The following KALRN variants were observed in gnomAD, a reference collection of about 807,000 sequenced individuals.
The protein encoded by KALRN is kalirin.
In KALRN, 70 loss-of-function variants were observed where a neutral mutation model predicts 353.7. That is an observed-to-expected ratio of 0.20 (90% CI 0.16 to 0.24). The LOEUF (loss-of-function observed/expected upper bound fraction) is 0.24. Ranked by LOEUF, KALRN falls within the 10% of genes least tolerant of loss-of-function variation. KALRN has a pLI of 1.00. For synonymous variants in KALRN, 1,391 were observed against 1,434.8 expected (o/e 0.97, Z 0.69); for missense variants, 2,791 against 3,756.7 (o/e 0.74, Z 6.72).
intron 13 of KALRN, among the ~76,000 whole-genome samples, chr3:124,411,800 G>C (rs575573561): frequency 2.0e-5 from 3 of 151,984 alleles, no homozygotes; most frequent in African/African-American, 7.3e-5. Flanking sequence ...CCCCTTTCTT[G>C]AGTTAGAGAA....
chr3:124,063,227 C>T (rs1454052105), intron 1 of KALRN, among the ~76,000 whole-genome samples: 1 of 152,132 alleles, frequency 6.6e-6, no homozygotes, highest in East Asian at 1.9e-4. Context: ...AGGACTTGTG[C>T]CCTTGGAATG....
At chr3:124,684,617 T>C (rs772006790) in intron 51 of KALRN, among the ~76,000 whole-genome samples, 10 of 152,202 alleles carry the variant, frequency 6.6e-5, no homozygotes, top group Non-Finnish European at 1.2e-4. Context: ...TATACAGTGA[T>C]GTGTAACCCT....
At chr3:124,204,935 G>T (rs564381064) in intron 1 of KALRN, among the ~76,000 whole-genome samples, 8 of 151,604 alleles carry the variant, frequency 5.3e-5, no homozygotes, top group Non-Finnish European at 1.2e-4. Context: ...AGGTTGAGCT[G>T]TGTTAAGGGA....
At chr3:124,116,439 G>A (rs1163531723) in intron 1 of KALRN, among the ~76,000 whole-genome samples, 1 of 152,172 alleles carries the variant, frequency 6.6e-6, no homozygotes, top group Non-Finnish European at 1.5e-5. Flanking sequence ...TTACAGATCA[G>A]GAAACTGAGG....
At chr3:124,243,737 G>C (rs927932197) in intron 3 of KALRN, among the ~76,000 whole-genome samples, 1 of 152,120 alleles carries the variant, frequency 6.6e-6, no homozygotes, top group Non-Finnish European at 1.5e-5. Context: ...AAATGCGCAT[G>C]CTTGCTAAAA....
chr3:124,649,965 AAATAATAAT>A lies in KALRN; in HGVS notation c.5665-810_5665-802del, dbSNP rs71145473. Among the ~76,000 whole-genome samples, 1,190 of 143,482 alleles carry A rather than the reference AAATAATAAT, an allele frequency of 8.3e-3. 13 individuals are homozygous for A. Among genetic ancestry groups the A allele is most frequent in the African/African-American group, 0.023 (884 of 38,950 alleles). 94.1% of individuals were successfully genotyped at this position (143,482 alleles called of 152,430 possible). ...ATAGTGAGACCCTGTCTCTAAAATA[AAATAATAAT>A]AATAATAATAATAATAATAATAATA... is the stretch of plus-strand genomic sequence containing the variant. On this transcript the variant is annotated intron_variant, in intron 37 of 59. Transcript: ENST00000682506.
In KALRN at chr3:124,345,454, C is replaced by T. The variant is rs55645720; in HGVS notation, c.1648-1689C>T. Among the ~76,000 whole-genome samples, 540 of 152,140 alleles carry T rather than the reference C, an allele frequency of 3.5e-3. 5 individuals are homozygous for T. Among genetic ancestry groups the T allele is most frequent in the African/African-American group, 0.012 (515 of 41,502 alleles). Reference sequence around the variant, plus strand: ...TTCACCGTAAGTAATTCTAGAGAAACGCAGGCTCTTCTAAGAGATGAACAT... The same window carrying T: ...TTCACCGTAAGTAATTCTAGAGAAATGCAGGCTCTTCTAAGAGATGAACAT... On this transcript the variant is annotated intron_variant, in intron 9 of 59. Coordinates refer to ENST00000682506, the MANE Select transcript of KALRN (RefSeq NM_001388419.1).
chr3:124,446,603 C>T (rs2093847343), intron 20 of KALRN, among the ~76,000 whole-genome samples, 160 bp from the exon 21 acceptor site: 1 of 152,076 alleles, frequency 6.6e-6, no homozygotes, highest in Non-Finnish European at 1.5e-5. Context: ...CAAGGGAGGG[C>T]TCATTCATAA....
chr3:124,652,732 C>T (rs149606731), intron 38 of KALRN, among the ~76,000 whole-genome samples: 1,780 of 152,262 alleles, frequency 0.012, 35 homozygotes, highest in African/African-American at 0.041. Context: ...CACCCGCCAC[C>T]GCATCTGGCT....
At chr3:124,108,740 C>G (rs1488814863) in intron 1 of KALRN, among the ~76,000 whole-genome samples, 1 of 152,102 alleles carries the variant, frequency 6.6e-6, no homozygotes, top group Non-Finnish European at 1.5e-5. Flanking sequence ...GTAGTATGAG[C>G]AAATATTAAT....
At chr3:124,161,855 C>A (rs1306235323) in intron 1 of KALRN, among the ~76,000 whole-genome samples, 1 of 152,174 alleles carries the variant, frequency 6.6e-6, no homozygotes, top group African/African-American at 2.4e-5. Flanking sequence ...AGGAGTCTCC[C>A]ATAGGCTGAA....
At chr3:124,509,460 G>A (rs560417208) in intron 33 of KALRN, among the ~76,000 whole-genome samples, 5 of 152,212 alleles carry the variant, frequency 3.3e-5, no homozygotes, top group East Asian at 3.9e-4. Context: ...CACCCACTTC[G>A]GCCTCCCAAA....
intron 1 of KALRN, among the ~76,000 whole-genome samples, chr3:124,209,522 T>C (rs2076721704): frequency 7.3e-6 from 1 of 136,978 alleles, no homozygotes; most frequent in Non-Finnish European, 1.6e-5. Flanking sequence ...AAAAAATCCA[T>C]GTCTAACTGT....
chr3:124,236,373 T>C (rs16835210), intron 3 of KALRN, among the ~76,000 whole-genome samples: 14,111 of 152,230 alleles, frequency 0.093, 1,833 homozygotes, highest in East Asian at 0.64. Flanking sequence ...GTGATTGATA[T>C]AGGTAATTTA....
chr3:124,608,010 AT>A (rs11306987), intron 34 of KALRN, among the ~76,000 whole-genome samples: 38,836 of 138,720 alleles, frequency 0.28, 5,026 homozygotes, highest in Admixed American at 0.34. Context: ...CTCTTTTTTA[AT>A]TTTTTTTTTT....
chr3:124,696,437 T>G (rs1221643493), intron 54 of KALRN, among the ~76,000 whole-genome samples, 182 bp downstream of exon 54: 3 of 152,314 alleles, frequency 2.0e-5, no homozygotes, highest in Non-Finnish European at 4.4e-5. Context: ...TAATTTTTTT[T>G]GCATTTTTTG....
chr3:124,296,897 C>T (rs2076892016), intron 5 of KALRN, among the ~76,000 whole-genome samples: 1 of 152,242 alleles, frequency 6.6e-6, no homozygotes, highest in Admixed American at 6.5e-5. Context: ...CTCTGCTCTT[C>T]CCCATCTCAC....
chr3:124,335,881 G>A (rs1269237388), intron 9 of KALRN, among the ~76,000 whole-genome samples: 1 of 152,108 alleles, frequency 6.6e-6, no homozygotes, highest in Non-Finnish European at 1.5e-5. Context: ...GTAATCCATT[G>A]TATATTTCCA....
chr3:124,656,586 G>A (rs946628366), intron 39 of KALRN, among the ~76,000 whole-genome samples: 3 of 152,128 alleles, frequency 2.0e-5, no homozygotes, highest in Non-Finnish European at 4.4e-5. Context: ...ACTCCAGCCT[G>A]GGCGACAGAG....
Sources: gnomAD v4.1 joint callset for allele counts (sites outside exome capture counted in the v4.1 genomes callset) on GRCh38, gnomAD v4.1.1 for gene constraint, MANE v1.5 for transcripts, NCBI Gene and HGNC (gene_info 2026-07-23, HGNC 2026-07-21) for gene names.